The following TMEM132D variants were observed in gnomAD, a reference collection of about 807,000 sequenced individuals.
The protein encoded by TMEM132D is mature OL transmembrane protein.
TMEM132D carries 21 observed loss-of-function variants against 62.3 expected under a neutral mutation model. The ratio of observed to expected loss-of-function variants is 0.34; its 90% confidence interval spans 0.24 to 0.49. The LOEUF (loss-of-function observed/expected upper bound fraction) is 0.49, where lower values mean the gene tolerates loss of function less well. TMEM132D is among the 20% of genes least tolerant of loss of function. The pLI, the probability that TMEM132D is intolerant of heterozygous loss-of-function variation, is 0.99. For synonymous variants in TMEM132D, 621 were observed against 575.6 expected, an observed-to-expected ratio of 1.08 and a Z score of -1.13; for missense variants, 1,346 against 1,402.8, an observed-to-expected ratio of 0.96 and a Z score of 0.65.
At chr12:129,840,132 A>G (rs971466793) in intron 1 of TMEM132D, 1 of 152,252 alleles carries the variant, frequency 6.6e-6, no homozygotes, top group Non-Finnish European at 1.5e-5. Flanking sequence ...TGTAAATTAC[A>G]TATAAATCAA....
chr12:129,522,947 A>T (rs1027409079), intron 3 of TMEM132D, among the ~76,000 whole-genome samples: 1 of 78,062 alleles, frequency 1.3e-5, no homozygotes, highest in Admixed American at 1.8e-4. Flanking sequence ...ATGTAGACAT[A>T]GATTATATAT....
intron 5 of TMEM132D, among the ~76,000 whole-genome samples, chr12:129,128,378 C>A (rs1876276018): frequency 6.6e-6 from 1 of 152,160 alleles, no homozygotes; most frequent in Admixed American, 6.5e-5. Flanking sequence ...AGGAAACTTA[C>A]AATCCTGGTG....
Position 129,074,406 on chromosome 12 carries a change from C to T in TMEM132D, c.2769G>A (p.Leu923=), listed in dbSNP as rs771083001. The T allele has an allele frequency of 6.2e-7, 1 of 1,614,108 alleles. No homozygotes were observed. Among genetic ancestry groups the T allele is most frequent in the African/African-American group, 1.3e-5 (1 of 75,006 alleles). The change falls in exon 9 of 9, where the codon TTG becomes TTA. Residue 923 remains leucine, a synonymous_variant. Transcript: ENST00000422113. ...LSDLEIGMYA[L]LGVFCLAILV... ...AAATGGCCAAACAGAAGACTCCCAACAAAGCATACATCCCAATTTCTAAGT... is the reference window on the plus strand; with the variant it reads ...AAATGGCCAAACAGAAGACTCCCAATAAAGCATACATCCCAATTTCTAAGT...
At chr12:129,149,816 G>T (rs1218697822) in intron 5 of TMEM132D, among the ~76,000 whole-genome samples, 1 of 152,168 alleles carries the variant, frequency 6.6e-6, no homozygotes, top group Non-Finnish European at 1.5e-5. Context: ...GGCTATGGGG[G>T]CAGATAGACA....
chr12:129,362,104 T>C (rs538294686), intron 3 of TMEM132D, among the ~76,000 whole-genome samples: 1 of 152,354 alleles, frequency 6.6e-6, no homozygotes, highest in East Asian at 1.9e-4. Flanking sequence ...ATAACTCTTG[T>C]TTACGATAAA....
chr12:129,794,711 T>TTATATTTTTACTATCTG, intron 1 of TMEM132D, among the ~76,000 whole-genome samples: 1 of 152,326 alleles, frequency 6.6e-6, no homozygotes, highest in Non-Finnish European at 1.5e-5. Context: ...TGTGGATCAT[T>TTATATTTTTACTATCTG]TATATTTTTA....
At chr12:129,818,445 T>G (rs1378036908) in intron 1 of TMEM132D, among the ~76,000 whole-genome samples, 1 of 148,156 alleles carries the variant, frequency 6.7e-6, no homozygotes, top group Admixed American at 6.7e-5. Context: ...GGGGGGTGTG[T>G]GTCTATGTGT....
At chr12:129,176,407 A>T (rs552660931) in intron 5 of TMEM132D, among the ~76,000 whole-genome samples, 1 of 152,350 alleles carries the variant, frequency 6.6e-6, no homozygotes, top group East Asian at 1.9e-4. Flanking sequence ...GAACAGAGGG[A>T]TGTAGCCACC....
chr12:129,332,255 A>C (rs1251764764), intron 4 of TMEM132D, among the ~76,000 whole-genome samples: 3 of 152,190 alleles, frequency 2.0e-5, no homozygotes, highest in Non-Finnish European at 4.4e-5. Flanking sequence ...CTGAAAAAAC[A>C]ATGTAATAAA....
intron 2 of TMEM132D, among the ~76,000 whole-genome samples, chr12:129,559,595 G>T (rs1342017446): frequency 6.6e-6 from 1 of 152,148 alleles, no homozygotes; most frequent in Non-Finnish European, 1.5e-5. Flanking sequence ...AGCATAAATG[G>T]TAAATCTCTA....
At chr12:129,249,777 G>C (rs900523237) in intron 4 of TMEM132D, among the ~76,000 whole-genome samples, 2 of 152,152 alleles carry the variant, frequency 1.3e-5, no homozygotes, top group Non-Finnish European at 2.9e-5. Flanking sequence ...GAATCGCTGT[G>C]AACATCTGAG....
At chr12:129,487,017 C>T (rs922867746) in intron 3 of TMEM132D, among the ~76,000 whole-genome samples, 4 of 128,222 alleles carry the variant, frequency 3.1e-5, no homozygotes, top group Non-Finnish European at 6.5e-5. Context: ...TTGATGTCTG[C>T]GAATGTTTGC....
intron 4 of TMEM132D, among the ~76,000 whole-genome samples, chr12:129,278,075 C>G (rs1881045516): frequency 6.6e-6 from 1 of 152,182 alleles, no homozygotes; most frequent in African/African-American, 2.4e-5. Context: ...ACCTCGTCTT[C>G]AGCCAGCTAG....
At chr12:129,438,962 C>A (rs1040363682) in intron 3 of TMEM132D, among the ~76,000 whole-genome samples, 2 of 152,188 alleles carry the variant, frequency 1.3e-5, no homozygotes, top group Admixed American at 6.5e-5. Context: ...TATTGCAATT[C>A]TCTGCAGGAT....
At chr12:129,494,902 G>A (rs979824315) in intron 3 of TMEM132D, among the ~76,000 whole-genome samples, 3 of 152,154 alleles carry the variant, frequency 2.0e-5, no homozygotes, top group Non-Finnish European at 4.4e-5. Context: ...CCTGTACTCA[G>A]TAGTGAATGC....
At chr12:129,359,404 A>G (rs1276271126) in intron 3 of TMEM132D, among the ~76,000 whole-genome samples, 1 of 152,220 alleles carries the variant, frequency 6.6e-6, no homozygotes, top group Non-Finnish European at 1.5e-5. Flanking sequence ...AAAATGGCAA[A>G]TTTTAAGGAC....
intron 1 of TMEM132D, among the ~76,000 whole-genome samples, chr12:129,896,024 G>T (rs1246818962): frequency 2.8e-5 from 4 of 145,004 alleles, no homozygotes; most frequent in African/African-American, 1.0e-4. Flanking sequence ...AGGTTAGAGT[G>T]TATTACATGA....
At chr12:129,803,886 C>T (rs1216675072) in intron 1 of TMEM132D, among the ~76,000 whole-genome samples, 1 of 143,746 alleles carries the variant, frequency 7.0e-6, no homozygotes, top group South Asian at 2.3e-4. Context: ...GAAATACAAA[C>T]TACCATCAGA....
At chr12:129,665,944 C>G (rs999710904) in intron 2 of TMEM132D, among the ~76,000 whole-genome samples, 1 of 152,004 alleles carries the variant, frequency 6.6e-6, no homozygotes, top group Non-Finnish European at 1.5e-5. Context: ...CCTGAGGGAC[C>G]TTTAATATTT....
Sources: gnomAD v4.1 joint callset for allele counts (sites outside exome capture counted in the v4.1 genomes callset) on GRCh38, gnomAD v4.1.1 for gene constraint, MANE v1.5 for transcripts, NCBI Gene and HGNC (gene_info 2026-07-23, HGNC 2026-07-21) for gene names.